BTG4: variants seen among roughly 807,000 people sequenced by gnomAD.
BTG4 encodes BTG anti-proliferation factor 4, also known as protein BTG4.
In BTG4, 10 loss-of-function variants were observed where a neutral mutation model predicts 19.3. The ratio of observed to expected loss-of-function variants is 0.52; its 90% CI spans 0.32 to 0.88. BTG4 has a LOEUF of 0.88. BTG4 is among the 40% of genes least tolerant of loss of function. BTG4 has a pLI of 0.04. For synonymous variants in BTG4, 91 were observed against 95.7 expected, an observed-to-expected ratio of 0.95 and a Z score of 0.29; for missense variants, 238 against 281.9, an observed-to-expected ratio of 0.84 and a Z score of 1.11.
chr11:111,438,497 G>T, the BTG4 span, among the ~76,000 whole-genome samples: 1 of 152,072 alleles, frequency 6.6e-6, no homozygotes, highest in Non-Finnish European at 1.5e-5. Flanking sequence ...CACTCTCATG[G>T]GCCATTTCCC....
the BTG4 span, among the ~76,000 whole-genome samples, chr11:111,387,573 T>G: frequency 1.3e-5 from 2 of 152,194 alleles, no homozygotes; most frequent in Non-Finnish European, 2.9e-5. Context: ...TTATGACCAT[T>G]TCTGAACTCC....
At chr11:111,504,737 A>G (rs1866332139) in intron 1 of BTG4, among the ~76,000 whole-genome samples, 1 of 152,092 alleles carries the variant, frequency 6.6e-6, no homozygotes, top group Non-Finnish European at 1.5e-5. Flanking sequence ...CTCCTCTAGA[A>G]GACTCCTTGG....
intron 2 of BTG4, among the ~76,000 whole-genome samples, chr11:111,498,402 A>G (rs1865868880): frequency 6.6e-6 from 1 of 152,246 alleles, no homozygotes; most frequent in African/African-American, 2.4e-5. Context: ...TCTACCTCAC[A>G]TAAGGGGCTT....
chr11:111,401,975 T>G, the BTG4 span, among the ~76,000 whole-genome samples: 4 of 152,220 alleles, frequency 2.6e-5, no homozygotes, highest in African/African-American at 9.7e-5. Context: ...ATTATATATT[T>G]TTATTCATAT....
chr11:111,439,649 C>T, the BTG4 span, among the ~76,000 whole-genome samples: 6 of 152,106 alleles, frequency 3.9e-5, no homozygotes, highest in Non-Finnish European at 2.9e-5. Flanking sequence ...CAGACTCACA[C>T]CCCCTCTCAG....
At chr11:111,407,758 C>T in the BTG4 span, among the ~76,000 whole-genome samples, 6 of 152,208 alleles carry the variant, frequency 3.9e-5, no homozygotes, top group South Asian at 2.1e-4. Flanking sequence ...CAAAACACTA[C>T]GAGCAGATAC....
At chr11:111,400,920 A>G in the BTG4 span, 2 of 152,188 alleles carry the variant, frequency 1.3e-5, no homozygotes, top group Non-Finnish European at 2.9e-5. Context: ...GGGACATTCT[A>G]TAAAATACCT....
At chr11:111,392,169 C>CTTTTT in the BTG4 span, among the ~76,000 whole-genome samples, 47 of 85,450 alleles carry the variant, frequency 5.5e-4, 3 homozygotes, top group Non-Finnish European at 7.5e-4. Context: ...CTGTGATTTT[C>CTTTTT]TTTTTTTTTT....
chr11:111,394,632 C>G, the BTG4 span, among the ~76,000 whole-genome samples: 2 of 152,166 alleles, frequency 1.3e-5, no homozygotes, highest in Middle Eastern at 3.2e-3. Flanking sequence ...AATACACATA[C>G]CCAGTGTGAA....
chr11:111,433,141 T>C, the BTG4 span, among the ~76,000 whole-genome samples: 58,027 of 152,034 alleles, frequency 0.38, 11,534 homozygotes, highest in Middle Eastern at 0.49. Flanking sequence ...TTGTTTGCAA[T>C]GGGCGCAATA....
intron 1 of BTG4, among the ~76,000 whole-genome samples, chr11:111,500,281 C>T (rs754034820): frequency 1.1e-4 from 16 of 152,182 alleles, no homozygotes; most frequent in Non-Finnish European, 2.1e-4. Context: ...ACCCATTAAG[C>T]GTTAAGAAGC....
the BTG4 span, among the ~76,000 whole-genome samples, chr11:111,419,287 C>G: frequency 3.3e-5 from 5 of 152,350 alleles, no homozygotes; most frequent in East Asian, 9.6e-4. Context: ...ATAAAAGCTA[C>G]AGCCAATCAG....
chr11:111,444,715 A>G, the BTG4 span, among the ~76,000 whole-genome samples: 2 of 152,236 alleles, frequency 1.3e-5, no homozygotes, highest in Admixed American at 1.3e-4. Flanking sequence ...AATTTAAAAA[A>G]TAAAAATTAA....
chr11:111,506,594 A>G (rs769134150), intron 1 of BTG4, among the ~76,000 whole-genome samples: 1 of 152,076 alleles, frequency 6.6e-6, no homozygotes, highest in Non-Finnish European at 1.5e-5. Context: ...CATGTAACAA[A>G]CAAGAATATG....
intron 5 of BTG4, among the ~76,000 whole-genome samples, chr11:111,487,998 A>G (rs1243578855): frequency 6.6e-6 from 1 of 152,204 alleles, no homozygotes. Flanking sequence ...ATGGACTGGA[A>G]GAATCAATAG....
At chr11:111,500,556 C>A (rs1866006509) in intron 1 of BTG4, among the ~76,000 whole-genome samples, 1 of 152,176 alleles carries the variant, frequency 6.6e-6, no homozygotes, top group South Asian at 2.1e-4. Context: ...GCTACTCAGC[C>A]TCCCTCAGCT....
chr11:111,433,911 AG>A, the BTG4 span, among the ~76,000 whole-genome samples: 13 of 152,260 alleles, frequency 8.5e-5, no homozygotes, highest in Non-Finnish European at 1.6e-4. Context: ...CAGATGCTGG[AG>A]AGGATGTGGA....
rs766215891 is a variant in BTG4, at chr11:111,497,292, A to G, written c.429T>C (p.Ser143=). The change falls in exon 4 of 5, where the codon TCT becomes TCC. Residue 143 remains serine, a synonymous_variant. Transcript: ENST00000692032. ...AVSRASSDVS[S]GTSCDEESCS... is the part of the protein sequence containing the mutation. Reference sequence around the variant, plus strand: ...AACTTTCTTCATCGCAGGAAGTGCCAGAGGAAACGTCTGATGAGGCTCTAC... The same window carrying G: ...AACTTTCTTCATCGCAGGAAGTGCCGGAGGAAACGTCTGATGAGGCTCTAC... 2 of 1,610,798 alleles carry G rather than the reference A, an allele frequency of 1.2e-6. No homozygotes were observed.
chr11:111,418,559 C>A, the BTG4 span, among the ~76,000 whole-genome samples: 1 of 152,118 alleles, frequency 6.6e-6, no homozygotes. Context: ...GAGGGCGGGA[C>A]CAACGATGCT....
Sources: gnomAD v4.1 joint callset for allele counts (sites outside exome capture counted in the v4.1 genomes callset) on GRCh38, gnomAD v4.1.1 for gene constraint, MANE v1.5 for transcripts, NCBI Gene and HGNC (gene_info 2026-07-23, HGNC 2026-07-21) for gene names.